RAB33A: variants seen among roughly 807,000 people sequenced by gnomAD.
RAB33A encodes the protein RAB33A, member RAS oncogene family, also known as ras-related protein Rab-33A.
A neutral mutation model predicts 12.0 loss-of-function variants in RAB33A; 6 were observed. The ratio of observed to expected loss-of-function variants is 0.50; its 90% CI spans 0.27 to 0.99. The LOEUF (loss-of-function observed/expected upper bound fraction) is 0.99, where lower values mean the gene tolerates loss of function less well. RAB33A is among the 50% of genes least tolerant of loss of function. RAB33A has a pLI of 0.11. For missense variants in RAB33A, 109 were observed against 192.0 expected, an observed-to-expected ratio of 0.57 and a Z score of 2.55; for synonymous variants, 70 against 82.4, an observed-to-expected ratio of 0.85 and a Z score of 0.81.
chrX:130,121,074 G>A, the RAB33A span, among the ~76,000 whole-genome samples: 6 of 111,966 alleles, frequency 5.4e-5, no homozygotes, highest in Admixed American at 4.7e-4. Flanking sequence ...CCAGCGCCCC[G>A]AGCTTCCACT....
At chrX:130,142,375 C>T in the RAB33A span, among the ~76,000 whole-genome samples, 4 of 111,218 alleles carry the variant, frequency 3.6e-5, no homozygotes, top group Non-Finnish European at 7.5e-5. Flanking sequence ...TCAACCCTCA[C>T]GGTGTTCGCT....
At chrX:130,137,005 T>C in the RAB33A span, 1 of 1,209,602 alleles carries the variant, frequency 8.3e-7, no homozygotes, top group Non-Finnish European at 1.1e-6. Context: ...AGGGGGTTCC[T>C]ATAGAAGCGA....
the RAB33A span, among the ~76,000 whole-genome samples, chrX:130,163,299 C>T: frequency 2.6e-5 from 2 of 77,232 alleles, no homozygotes; most frequent in South Asian, 7.2e-4. Flanking sequence ...AGCGAGACTC[C>T]GCCTCAAAAA....
At chrX:130,135,154 C>T in the RAB33A span, among the ~76,000 whole-genome samples, 11 of 108,359 alleles carry the variant, frequency 1.0e-4, no homozygotes, top group Admixed American at 7.9e-4. Context: ...ATGATCTCCA[C>T]TCACTGCAGC....
At chrX:130,166,060 T>C in the RAB33A span, among the ~76,000 whole-genome samples, 1 of 112,070 alleles carries the variant, frequency 8.9e-6, no homozygotes, top group Non-Finnish European at 1.9e-5. Flanking sequence ...TTGGCGGTTG[T>C]GCCTGGTGCT....
At chrX:130,133,386 C>T in the RAB33A span, 1 of 1,208,557 alleles carries the variant, frequency 8.3e-7, no homozygotes, top group African/African-American at 1.8e-5. Context: ...CCACTCACAA[C>T]AGCGTGATCA....
At chrX:130,137,074 C>G in the RAB33A span, 149 of 1,209,352 alleles carry the variant, frequency 1.2e-4, no homozygotes, top group Non-Finnish European at 1.6e-4. Context: ...AACAGTCTCT[C>G]TACCTCGTCT....
the RAB33A span, among the ~76,000 whole-genome samples, chrX:130,145,000 G>C: frequency 8.9e-6 from 1 of 111,829 alleles, no homozygotes; most frequent in East Asian, 2.8e-4. Context: ...ACACACTCTA[G>C]TACCTGCCAT....
chrX:130,134,484 G>A, the RAB33A span, among the ~76,000 whole-genome samples: 1 of 110,963 alleles, frequency 9.0e-6, no homozygotes, highest in Non-Finnish European at 1.9e-5. Context: ...AATATTTATG[G>A]AGTACTTATT....
At chrX:130,155,300 T>A in the RAB33A span, 10 of 1,205,534 alleles carry the variant, frequency 8.3e-6, no homozygotes, top group Non-Finnish European at 1.1e-5. Flanking sequence ...TAGGTAAAGA[T>A]AAGGCCAAGA....
At chrX:130,152,791 G>A in the RAB33A span, among the ~76,000 whole-genome samples, 1 of 111,869 alleles carries the variant, frequency 8.9e-6, no homozygotes. Context: ...AGCAGCAGAA[G>A]CACTGTTGAA....
the RAB33A span, among the ~76,000 whole-genome samples, chrX:130,159,147 T>C: frequency 4.5e-5 from 5 of 112,016 alleles, no homozygotes; most frequent in Admixed American, 4.8e-4. Flanking sequence ...TTAAAAAGAT[T>C]ATAAAGTAGC....
At chrX:130,121,938 G>A in the RAB33A span, among the ~76,000 whole-genome samples, 1 of 112,091 alleles carries the variant, frequency 8.9e-6, no homozygotes, top group African/African-American at 3.2e-5. Context: ...GCTTGCTTCA[G>A]GCGGGATTTG....
chrX:130,117,183 C>T, the RAB33A span, among the ~76,000 whole-genome samples: 3 of 112,147 alleles, frequency 2.7e-5, no homozygotes, highest in East Asian at 5.6e-4. Flanking sequence ...CACTGCACTC[C>T]AGCCTGGGTG....
chrX:130,160,939 GT>G, the RAB33A span, among the ~76,000 whole-genome samples: 11 of 109,694 alleles, frequency 1.0e-4, no homozygotes, highest in African/African-American at 3.3e-4. Flanking sequence ...AAACTTAAGA[GT>G]TTTTTTTAAA....
At chrX:130,115,177 G>A in the RAB33A span, among the ~76,000 whole-genome samples, 1 of 110,841 alleles carries the variant, frequency 9.0e-6, no homozygotes, top group Non-Finnish European at 1.9e-5. Context: ...TGGAGATGAG[G>A]TGGCTGATTT....
At chrX:130,178,619 G>T (rs780800149) in intron 1 of RAB33A, among the ~76,000 whole-genome samples, 2 of 110,732 alleles carry the variant, frequency 1.8e-5, no homozygotes, top group Non-Finnish European at 3.8e-5. Context: ...GACTGAGCGA[G>T]ACCATGTCTG....
At chrX:130,142,749 G>A in the RAB33A span, among the ~76,000 whole-genome samples, 38 of 111,350 alleles carry the variant, frequency 3.4e-4, no homozygotes, top group Non-Finnish European at 5.8e-4. Flanking sequence ...GGGTTCAAGC[G>A]ATTCTCGTGC....
chrX:130,110,677 G>A, the RAB33A span: 1 of 108,380 alleles, frequency 9.2e-6, no homozygotes, highest in African/African-American at 3.3e-5. Flanking sequence ...CCCACACTTC[G>A]CGCCGCCAAT....
Sources: gnomAD v4.1 joint callset for allele counts (sites outside exome capture counted in the v4.1 genomes callset) on GRCh38, gnomAD v4.1.1 for gene constraint, MANE v1.5 for transcripts, NCBI Gene and HGNC (gene_info 2026-07-23, HGNC 2026-07-21) for gene names.